Variants in EBF1 observed in about 807,000 individuals in gnomAD.
EBF1 encodes the protein transcription factor COE1.
EBF1 carries 10 observed loss-of-function variants against 68.4 expected under a neutral mutation model. That is an observed-to-expected ratio of 0.15 (90% CI 0.09 to 0.25). The LOEUF (loss-of-function observed/expected upper bound fraction) is 0.25, where lower values mean the gene tolerates loss of function less well. EBF1 is among the 10% of genes least tolerant of loss of function. The pLI is 1.00. For synonymous variants in EBF1, 298 were observed against 299.8 expected (o/e 0.99, Z 0.06); for missense variants, 509 against 794.4 (o/e 0.64, Z 4.32).
At chr5:159,025,694 C>A (rs1178688637) in intron 6 of EBF1, among the ~76,000 whole-genome samples, 2 of 152,188 alleles carry the variant, frequency 1.3e-5, no homozygotes, top group African/African-American at 4.8e-5. Flanking sequence ...CTAGCCTGAA[C>A]CCTGTAAGAT....
chr5:158,701,340 T>A (rs1756723120), intron 15 of EBF1, among the ~76,000 whole-genome samples: 1 of 143,410 alleles, frequency 7.0e-6, no homozygotes, highest in African/African-American at 2.6e-5. Flanking sequence ...TGTGAAAACA[T>A]CCCATTTGAA....
intron 11 of EBF1, among the ~76,000 whole-genome samples, chr5:158,716,485 C>T (rs576749254): frequency 6.6e-6 from 1 of 152,178 alleles, no homozygotes; most frequent in South Asian, 2.1e-4. Flanking sequence ...GGAGTGTGAA[C>T]CTGGATTTCT....
At chr5:158,854,144 GGGATGCAGTT>G (rs1434503589) in intron 6 of EBF1, among the ~76,000 whole-genome samples, 1 of 152,210 alleles carries the variant, frequency 6.6e-6, no homozygotes, top group Non-Finnish European at 1.5e-5. Context: ...ATCTGGTAGA[GGGATGCAGTT>G]TGCATCTCCG....
intron 6 of EBF1, among the ~76,000 whole-genome samples, chr5:159,009,340 A>G (rs112104383): frequency 6.6e-6 from 1 of 152,244 alleles, no homozygotes; most frequent in African/African-American, 2.4e-5. Context: ...TGTCTTGCAC[A>G]GTATTTCCTC....
chr5:158,883,964 C>A (rs1166573914), intron 6 of EBF1, among the ~76,000 whole-genome samples: 1 of 152,194 alleles, frequency 6.6e-6, no homozygotes, highest in African/African-American at 2.4e-5. Flanking sequence ...AAACTCAGCA[C>A]TGCCTTGGGA....
rs971107537 is a variant in EBF1 at position 159,094,192 on chromosome 5, A to C, written c.411+1428T>G. On this transcript the variant is annotated intron_variant, in intron 4 of 15. Coordinates refer to ENST00000313708, the MANE Select transcript of EBF1 (RefSeq NM_024007.5). ...AAAAAAAAAAAAAAAAAAAAAAAAA[A>C]AACACAGTGTCCAAATGAAAGTGAA... is the stretch of plus-strand genomic sequence containing the variant. Among the ~76,000 whole-genome samples the C allele has an allele frequency of 6.2e-5, 9 of 145,768 alleles. No individual in the cohort carries two copies. In the South Asian group the frequency reaches 1.9e-3, roughly 31 times the overall value.
At chr5:158,895,087 A>G (rs542009195) in intron 6 of EBF1, among the ~76,000 whole-genome samples, 1 of 151,980 alleles carries the variant, frequency 6.6e-6, no homozygotes, top group African/African-American at 2.4e-5. Flanking sequence ...TTTATTTACC[A>G]TTGTCCAAAT....
intron 6 of EBF1, among the ~76,000 whole-genome samples, chr5:159,069,797 C>T (rs1460754808): frequency 1.3e-5 from 2 of 152,074 alleles, no homozygotes; most frequent in African/African-American, 4.8e-5. Flanking sequence ...ATTACTCCTG[C>T]AAAATTTAAT....
chr5:158,737,883 C>T (rs1765548621), intron 10 of EBF1, among the ~76,000 whole-genome samples: 1 of 152,146 alleles, frequency 6.6e-6, no homozygotes, highest in Non-Finnish European at 1.5e-5. Context: ...ATGCAAAGAA[C>T]TTGCATATGT....
At chr5:158,815,409 AATAATTATT>A (rs1214627992) in intron 8 of EBF1, among the ~76,000 whole-genome samples, 3 of 152,200 alleles carry the variant, frequency 2.0e-5, no homozygotes, top group African/African-American at 7.2e-5. Context: ...AAATGGTGAT[AATAATTATT>A]ATATATCATG....
intron 6 of EBF1, among the ~76,000 whole-genome samples, chr5:158,879,182 G>A (rs1043648401): frequency 2.6e-5 from 4 of 152,120 alleles, no homozygotes; most frequent in African/African-American, 9.7e-5. Context: ...GGCATAGGAT[G>A]GTTGGTTCAG....
At chr5:158,903,139 G>C (rs751462429) in intron 6 of EBF1, among the ~76,000 whole-genome samples, 2 of 152,104 alleles carry the variant, frequency 1.3e-5, no homozygotes, top group Non-Finnish European at 2.9e-5. Flanking sequence ...TGTCAATGAG[G>C]GGAGAGCTCT....
chr5:159,091,644 A>G (rs1781665244), intron 4 of EBF1, among the ~76,000 whole-genome samples: 1 of 152,234 alleles, frequency 6.6e-6, no homozygotes, highest in African/African-American at 2.4e-5. Context: ...GTTGTTAATC[A>G]AATCTATGTA....
intron 10 of EBF1, among the ~76,000 whole-genome samples, chr5:158,746,459 TATTTTTCCAAG>T (rs1767583908): frequency 6.6e-6 from 1 of 152,174 alleles, no homozygotes; most frequent in Non-Finnish European, 1.5e-5. Context: ...CCACATAAAC[TATTTTTCCAAG>T]TGGGCAAAGG....
intron 7 of EBF1, among the ~76,000 whole-genome samples, chr5:158,824,288 C>G (rs184847591): frequency 2.0e-5 from 3 of 152,200 alleles, no homozygotes; most frequent in African/African-American, 7.2e-5. Context: ...TAACTTTGCT[C>G]GACAGTTTAT....
intron 10 of EBF1, among the ~76,000 whole-genome samples, chr5:158,735,046 C>T (rs1250168209): frequency 6.6e-6 from 1 of 152,136 alleles, no homozygotes; most frequent in Non-Finnish European, 1.5e-5. Flanking sequence ...TCCATTTATT[C>T]AGTAATCATT....
At chr5:158,971,133 T>C (rs1755565666) in intron 6 of EBF1, among the ~76,000 whole-genome samples, 2 of 152,216 alleles carry the variant, frequency 1.3e-5, no homozygotes, top group South Asian at 4.1e-4. Context: ...TCAAAATCTA[T>C]CTTCGGAATA....
intron 2 of EBF1, chr5:159,096,659 T>C (rs1782665419): frequency 6.6e-6 from 4 of 607,162 alleles, no homozygotes; most frequent in Non-Finnish European, 1.2e-5. Context: ...TAGGGGCTCG[T>C]GCCCCGGCCA....
At chr5:158,870,346 T>C (rs1796670321) in intron 6 of EBF1, among the ~76,000 whole-genome samples, 1 of 152,208 alleles carries the variant, frequency 6.6e-6, no homozygotes, top group Non-Finnish European at 1.5e-5. Context: ...TGCTATAGAC[T>C]GTGGATGACA....
Sources: gnomAD v4.1 joint callset for allele counts (sites outside exome capture counted in the v4.1 genomes callset) on GRCh38, gnomAD v4.1.1 for gene constraint, MANE v1.5 for transcripts, NCBI Gene and HGNC (gene_info 2026-07-23, HGNC 2026-07-21) for gene names.